Variants in CERS4 observed in about 807,000 individuals in gnomAD.
The protein encoded by CERS4 is LAG1 homolog, ceramide synthase 4.
CERS4 carries 65 observed loss-of-function variants against 51.8 expected under a neutral mutation model. The ratio of observed to expected loss-of-function variants is 1.26; its 90% CI spans 1.03 to 1.54. CERS4 has a LOEUF of 1.54. Ranked by LOEUF, CERS4 falls within the 40% of genes most tolerant of loss-of-function variation. The pLI is 0.00. For missense variants in CERS4, 563 were observed against 500.4 expected, an observed-to-expected ratio of 1.13 and a Z score of -1.19; for synonymous variants, 228 against 208.4, an observed-to-expected ratio of 1.09 and a Z score of -0.81.
chr19:8,228,118 C>T (rs947978176), intron 2 of CERS4, among the ~76,000 whole-genome samples: 1 of 152,040 alleles, frequency 6.6e-6, no homozygotes, highest in African/African-American at 2.4e-5. Context: ...TTTCGGCCTC[C>T]CAAAGTGCTG....
At chr19:8,253,441 C>T (rs1013664032) in intron 3 of CERS4, among the ~76,000 whole-genome samples, 1 of 149,560 alleles carries the variant, frequency 6.7e-6, no homozygotes, top group Non-Finnish European at 1.5e-5. Context: ...AGACAAAGGT[C>T]CAGCTGCCTT....
intron 10 of CERS4, chr19:8,260,965 A>AAAAAAC (rs1568543813): frequency 6.6e-6 from 1 of 151,676 alleles, no homozygotes; most frequent in Non-Finnish European, 1.5e-5. Context: ...AAAAAAAAAA[A>AAAAAAC]AAAAAAAAAA....
At position 8,261,848 on chromosome 19, in the gene CERS4, T is replaced by C. The variant is rs781690992; in HGVS notation, c.1005+4T>C. On this transcript the variant is annotated splice_donor_region_variant and intron_variant, in intron 11 of 11. Transcript: ENST00000251363. ...TAGCTTCATGAAGAAGGGCCAGGTA[T>C]GGCTGGACCTCCCCGGGGGCCCCAG... 2 of 1,614,074 alleles carry C rather than the reference T, an allele frequency of 1.2e-6. No homozygotes were observed. The highest frequency in any genetic ancestry group is 1.7e-6 in the Non-Finnish European group (2 of 1,179,934).
intron 7 of CERS4, 100 bp from the exon 8 acceptor site, chr19:8,256,518 A>G (rs1969391383): frequency 1.7e-5 from 20 of 1,190,908 alleles, no homozygotes; most frequent in Non-Finnish European, 2.3e-5. Context: ...TTGGGATTCA[A>G]GTATCCTGGT....
In CERS4 at chr19:8,256,984, G is replaced by A. The variant is rs372434316; in HGVS notation, c.648G>A (p.Ala216=). 1.7e-5 allele frequency: 27 copies of A among 1,614,064 alleles called. No homozygotes were observed. Among genetic ancestry groups the A allele is most frequent in the South Asian group, 8.8e-5 (8 of 91,084 alleles). Residue 216 remains alanine (A), a synonymous_variant, in exon 9 of 12, where the codon GCG becomes GCA. Transcript: ENST00000251363. ...AGCAGGTGATACACCACTTCGTGGC[G>A]GTCATCCTGATGACCTTCTCCTACA... is the stretch of plus-strand genomic sequence containing the variant. ...FKEQVIHHFV[A]VILMTFSYSA... is the part of the protein sequence containing the mutation.
chr19:8,257,307 G>A (rs961201679), intron 9 of CERS4: 1 of 534,404 alleles, frequency 1.9e-6, no homozygotes. Context: ...CTTGGGCAGA[G>A]GCCCCCGCCT....
intron 2 of CERS4, among the ~76,000 whole-genome samples, chr19:8,217,606 G>T (rs189417114): frequency 1.3e-5 from 2 of 149,060 alleles, no homozygotes; most frequent in Admixed American, 1.4e-4. Context: ...ACTCCATCTC[G>T]GCTCACTGCA....
At chr19:8,232,723 CTT>C (rs71165298) in intron 2 of CERS4, among the ~76,000 whole-genome samples, 145 of 138,468 alleles carry the variant, frequency 1.0e-3, no homozygotes, top group East Asian at 2.8e-3. Context: ...TTATTTAAAC[CTT>C]TTTTTTTTTT....
At chr19:8,220,829 G>A (rs28618996) in intron 2 of CERS4, among the ~76,000 whole-genome samples, 1 of 133,360 alleles carries the variant, frequency 7.5e-6, no homozygotes, top group Non-Finnish European at 1.6e-5. Flanking sequence ...TTTTTTTTTT[G>A]TTTTTTTTTT....
chr19:8,216,816 G>C (rs984520303), intron 2 of CERS4, among the ~76,000 whole-genome samples: 17 of 152,072 alleles, frequency 1.1e-4, no homozygotes, highest in Non-Finnish European at 2.2e-4. Context: ...GTTGGACTTG[G>C]GGGGCGGATG....
intron 2 of CERS4, among the ~76,000 whole-genome samples, chr19:8,247,428 C>A (rs1968836032): frequency 6.6e-6 from 1 of 151,570 alleles, no homozygotes. Context: ...ACCTTCTCAT[C>A]TTTTTTTTTC....
chr19:8,220,998 ATTT>A (rs937868597), intron 2 of CERS4, among the ~76,000 whole-genome samples: 6 of 148,568 alleles, frequency 4.0e-5, no homozygotes, highest in Admixed American at 4.0e-4. Flanking sequence ...ATTTTTTTGT[ATTT>A]TTTTTAGTAG....
intron 2 of CERS4, among the ~76,000 whole-genome samples, chr19:8,219,890 G>A (rs1482506173): frequency 1.3e-5 from 2 of 151,904 alleles, no homozygotes; most frequent in Non-Finnish European, 2.9e-5. Flanking sequence ...GGCTGAGGCA[G>A]GGGGATCATT....
rs762754683 is a variant in CERS4 at position 8,255,843 on chromosome 19, GTCC to G, written c.437_439del (p.Ser146del). The G allele has an allele frequency of 6.2e-7, 1 of 1,613,986 alleles. No individual in the cohort carries two copies. Among genetic ancestry groups the G allele is most frequent in the South Asian group, 1.1e-5 (1 of 91,084 alleles). On this transcript the variant is annotated inframe_deletion, in exon 6 of 12. Transcript: ENST00000251363. ...ACAGCTGGAGGTTTCTCTTCTACCT[GTCC>G]TCCTTCGTGGGCGGCCTCTCGGTCC...
intron 2 of CERS4, among the ~76,000 whole-genome samples, chr19:8,230,046 T>C (rs1219585640): frequency 2.6e-5 from 4 of 152,152 alleles, no homozygotes; most frequent in Non-Finnish European, 5.9e-5. Flanking sequence ...CTTCTGTGTG[T>C]TTATGTGCAT....
At chr19:8,213,859 G>A (rs1210369618) in intron 2 of CERS4, among the ~76,000 whole-genome samples, 1 of 152,068 alleles carries the variant, frequency 6.6e-6, no homozygotes, top group East Asian at 1.9e-4. Context: ...CCAGCTACTT[G>A]GGAGGTTGAG....
chr19:8,255,880 G>A lies in CERS4; in HGVS notation c.468+1G>A, dbSNP rs560901451. 9.3e-6 allele frequency: 15 copies of A among 1,613,760 alleles called. No homozygotes were observed. Among genetic ancestry groups the A allele is most frequent in the African/African-American group, 2.7e-5 (2 of 75,024 alleles). On this transcript the variant is annotated splice_donor_variant, in intron 6 of 11. Coordinates refer to ENST00000251363, the MANE Select transcript of CERS4 (RefSeq NM_024552.3). LOFTEE classifies it high-confidence loss of function. Reference sequence around the variant, plus strand: ...GGGCGGCCTCTCGGTCCTGTACCACGTGAGTATACCAGAGTATAGCTGACT... The same window carrying A: ...GGGCGGCCTCTCGGTCCTGTACCACATGAGTATACCAGAGTATAGCTGACT...
chr19:8,226,540 A>T (rs1967795842), intron 2 of CERS4, among the ~76,000 whole-genome samples: 2 of 152,156 alleles, frequency 1.3e-5, no homozygotes, highest in South Asian at 4.1e-4. Context: ...TCAGAGCATA[A>T]CCCAGATTTC....
Position 8,255,858 on chromosome 19 carries a change from C to T in CERS4, c.447C>T (p.Gly149=), listed in dbSNP as rs370819639. Reference sequence around the variant, plus strand: ...TCTTCTACCTGTCCTCCTTCGTGGGCGGCCTCTCGGTCCTGTACCACGTGA... The same window carrying T: ...TCTTCTACCTGTCCTCCTTCGTGGGTGGCCTCTCGGTCCTGTACCACGTGA... ...RFLFYLSSFV[G]GLSVLYHESW... Residue 149 remains glycine, a synonymous_variant, in exon 6 of 12, where the codon GGC becomes GGT. Transcript: ENST00000251363. 46 of 1,613,774 alleles carry T rather than the reference C, an allele frequency of 2.9e-5. 1 individual carries two copies. Among genetic ancestry groups the T allele is most frequent in the Middle Eastern group, 3.3e-4 (2 of 6,084 alleles).
Sources: allele counts gnomAD v4.1 joint callset (sites outside exome capture counted in the v4.1 genomes callset), GRCh38; gene constraint gnomAD v4.1.1; transcripts MANE v1.5; gene names NCBI Gene and HGNC (gene_info 2026-07-23, HGNC 2026-07-21).